Variants in RDX observed in about 807,000 individuals in gnomAD.
RDX encodes the protein deafness, autosomal recessive 24.
In RDX, 32 loss-of-function variants were observed where a neutral mutation model predicts 83.7. The ratio of observed to expected loss-of-function variants is 0.38; its 90% confidence interval spans 0.29 to 0.51. The LOEUF (loss-of-function observed/expected upper bound fraction) is 0.51, where lower values mean the gene tolerates loss of function less well. Ranked by LOEUF, RDX falls within the 20% of genes least tolerant of loss-of-function variation. The pLI is 0.87. For missense variants in RDX, 600 were observed against 689.9 expected (o/e 0.87, Z 1.46); for synonymous variants, 229 against 222.7 (o/e 1.03, Z -0.25).
rs146393833 is a variant in RDX at position 110,182,897 on chromosome 11, A to G, written c.*32-7663T>C. 4.3e-3 allele frequency among the ~76,000 whole-genome samples: 652 copies of G among 152,336 alleles called. 6 individuals are homozygous for G. Among genetic ancestry groups the G allele is most frequent in the African/African-American group, 0.014 (599 of 41,576 alleles). On this transcript the variant is annotated intron_variant, in intron 15 of 15. Coordinates refer to the RDX transcript ENST00000528498. ...TGGGGAGGAACAAAATAAAATATCTATGTTACAGAGAGCAAATCATTCTTT... is the reference window on the plus strand; with the variant it reads ...TGGGGAGGAACAAAATAAAATATCTGTGTTACAGAGAGCAAATCATTCTTT...
At chr11:110,187,850 C>T (rs992097693) in intron 15 of RDX, among the ~76,000 whole-genome samples, 5 of 152,228 alleles carry the variant, frequency 3.3e-5, no homozygotes, top group Admixed American at 1.3e-4. Flanking sequence ...AGAGCTTCTT[C>T]CGGTAACAAG....
At chr11:110,215,050 A>T (rs1863989469) in intron 14 of RDX, among the ~76,000 whole-genome samples, 1 of 68,272 alleles carries the variant, frequency 1.5e-5, no homozygotes, top group African/African-American at 4.3e-5. Context: ...AAAAAAAAAA[A>T]TATATATATA....
At chr11:110,278,944 A>C (rs979372796) in intron 2 of RDX, among the ~76,000 whole-genome samples, 1 of 152,140 alleles carries the variant, frequency 6.6e-6, no homozygotes, top group Non-Finnish European at 1.5e-5. Flanking sequence ...AAGAAGAACC[A>C]AATAACTATA....
chr11:110,290,415 G>C (rs949370679), intron 1 of RDX, among the ~76,000 whole-genome samples: 4 of 152,086 alleles, frequency 2.6e-5, no homozygotes, highest in Admixed American at 2.0e-4. Flanking sequence ...GGGAGACTGA[G>C]GTGGAGGGAT....
At chr11:110,239,055 G>A (rs1037574802) in intron 10 of RDX, among the ~76,000 whole-genome samples, 1 of 152,048 alleles carries the variant, frequency 6.6e-6, no homozygotes, top group African/African-American at 2.4e-5. Flanking sequence ...AAGGTGGGAA[G>A]ACCGCTTGAG....
chr11:110,281,034 A>G (rs1186597355), intron 1 of RDX, among the ~76,000 whole-genome samples: 3 of 151,832 alleles, frequency 2.0e-5, no homozygotes, highest in Non-Finnish European at 2.9e-5. Flanking sequence ...GCATGATGGC[A>G]GGTGCCTGTA....
intron 11 of RDX, chr11:110,236,614 G>T: frequency 6.2e-6 from 1 of 161,878 alleles, no homozygotes; most frequent in South Asian, 1.6e-4. Flanking sequence ...TTAACAGGTA[G>T]TATCATTCCT....
At chr11:110,292,811 TC>T (rs1861298550) in intron 1 of RDX, among the ~76,000 whole-genome samples, 1 of 152,236 alleles carries the variant, frequency 6.6e-6, no homozygotes, top group African/African-American at 2.4e-5. Flanking sequence ...ATCTAAAATA[TC>T]CTTTCAACAG....
At chr11:110,234,892 A>G (rs1372836845) in intron 12 of RDX, among the ~76,000 whole-genome samples, 1 of 152,358 alleles carries the variant, frequency 6.6e-6, no homozygotes, top group Middle Eastern at 3.4e-3. Flanking sequence ...CTAAAACTAA[A>G]TATCATCTTT....
intron 13 of RDX, among the ~76,000 whole-genome samples, chr11:110,232,666 G>C (rs1362063762): frequency 6.6e-6 from 1 of 152,020 alleles, no homozygotes; most frequent in Admixed American, 6.6e-5. Context: ...TATTGTCCAG[G>C]CTGAAGTGCA....
chr11:110,292,186 G>T (rs1412924161), intron 1 of RDX, among the ~76,000 whole-genome samples: 4 of 152,006 alleles, frequency 2.6e-5, no homozygotes, highest in Non-Finnish European at 5.9e-5. Flanking sequence ...CCAGCTACTA[G>T]GGAAGCTGAG....
intron 1 of RDX, among the ~76,000 whole-genome samples, chr11:110,283,885 G>T (rs1860869136): frequency 6.6e-6 from 1 of 151,880 alleles, no homozygotes; most frequent in Non-Finnish European, 1.5e-5. Flanking sequence ...AGAAAAATTT[G>T]CAACAGTATA....
chr11:110,228,403 A>G (rs530292390), downstream of RDX, among the ~76,000 whole-genome samples: 111 of 152,226 alleles, frequency 7.3e-4, no homozygotes, highest in African/African-American at 2.6e-3. Flanking sequence ...AGAAAATGCT[A>G]AAGTTCTGTT....
chr11:110,223,310 G>A lies in RDX; in HGVS notation c.1748+8563C>T, dbSNP rs186700232. On this transcript the variant is annotated intron_variant, in intron 14 of 15. Transcript: ENST00000528498. ...GGAGCTTGCAGTGAGCGGAGATTGC[G>A]CCACTGCACTCCAGCCTGGGCGACA... 6.1e-3 allele frequency among the ~76,000 whole-genome samples: 924 copies of A among 151,850 alleles called. 18 individuals carry two copies. The highest frequency in any genetic ancestry group is 0.019 in the African/African-American group (807 of 41,400).
intron 14 of RDX, among the ~76,000 whole-genome samples, chr11:110,221,601 A>AAC (rs60766252): frequency 0.31 from 41,122 of 133,308 alleles, 6,228 homozygotes; most frequent in East Asian, 0.47. Context: ...CTGTCTCCAA[A>AAC]ACACACACAC....
In RDX at chr11:110,255,341, A is replaced by G. The variant is rs764350321; in HGVS notation, c.743T>C (p.Ile248Thr). ...AACAAATTTTTTGTCATTAAATGAA[A>G]TATTTCTGATTTCACTCCAGGGAAA... Reference protein sequence around the residue: ...IGFPWSEIRNISFNDKKFVIK... With the variant: ...IGFPWSEIRNTSFNDKKFVIK... The change falls in exon 8 of 14, where the codon ATT (isoleucine) becomes ACT (threonine). Residue 248 changes from isoleucine (I) to threonine (T), a missense_variant. Transcript: ENST00000645495. 2.5e-6 allele frequency: 4 copies of G among 1,594,720 alleles called. No individual in the cohort carries two copies. The highest frequency in any genetic ancestry group is 3.4e-6 in the Non-Finnish European group (4 of 1,162,800).
At chr11:110,263,691 T>A (rs959152542) in intron 5 of RDX, among the ~76,000 whole-genome samples, 2 of 151,244 alleles carry the variant, frequency 1.3e-5, no homozygotes, top group South Asian at 4.2e-4. Flanking sequence ...TGAAACCCCA[T>A]CTCAATGAAA....
At chr11:110,199,677 A>G (rs1200922238) in exon 15 of RDX, 4 of 702,908 alleles carry the variant, frequency 5.7e-6, no homozygotes, top group Non-Finnish European at 1.0e-5. Flanking sequence ...TTGGGTCCCC[A>G]CCTTTCAAAA....
chr11:110,258,423 A>T (rs1399911112), intron 5 of RDX, among the ~76,000 whole-genome samples: 1 of 152,196 alleles, frequency 6.6e-6, no homozygotes, highest in Admixed American at 6.5e-5. Flanking sequence ...TGTTTGTAAT[A>T]TTGTACTGTA....
Sources: gnomAD v4.1 joint callset for allele counts (sites outside exome capture counted in the v4.1 genomes callset) on GRCh38, gnomAD v4.1.1 for gene constraint, MANE v1.5 for transcripts, NCBI Gene and HGNC (gene_info 2026-07-23, HGNC 2026-07-21) for gene names.